ST6GALNAC3: variants seen among roughly 807,000 people sequenced by gnomAD.
The protein encoded by ST6GALNAC3 is ST6 N-acetylgalactosaminide alpha-2,6-sialyltransferase 3, also known as alpha-N-acetylgalactosaminide alpha-2,6-sialyltransferase 3.
ST6GALNAC3 carries 25 observed loss-of-function variants against 32.7 expected under a neutral mutation model. The ratio of observed to expected loss-of-function variants is 0.76; its 90% confidence interval spans 0.56 to 1.07. ST6GALNAC3 has a LOEUF of 1.07. Among genes scored for constraint, ST6GALNAC3 ranks in the 50% least tolerant of loss-of-function variants. ST6GALNAC3 has a pLI of 0.00. For synonymous variants in ST6GALNAC3, 129 were observed against 133.1 expected (o/e 0.97, Z 0.21); for missense variants, 355 against 382.4 (o/e 0.93, Z 0.60).
At position 76,305,430 on chromosome 1, in the gene ST6GALNAC3, G is replaced by A. The variant is rs933691444; in HGVS notation, c.19-8375G>A. 1.8e-4 allele frequency among the ~76,000 whole-genome samples: 28 copies of A among 152,138 alleles called. No individual in the cohort carries two copies. In the East Asian group the frequency reaches 4.5e-3, roughly 24 times the overall value. Reference sequence around the variant, plus strand: ...GAGAGGCAAGAGGAGATGTGATTATGGAAGGTCTTGTATATCATACCAAGG... The same window carrying A: ...GAGAGGCAAGAGGAGATGTGATTATAGAAGGTCTTGTATATCATACCAAGG... On this transcript the variant is annotated intron_variant, in intron 1 of 4. Transcript: ENST00000328299.
At chr1:76,240,382 T>G (rs1656896655) in intron 1 of ST6GALNAC3, among the ~76,000 whole-genome samples, 2 of 152,230 alleles carry the variant, frequency 1.3e-5, no homozygotes, top group South Asian at 4.1e-4. Flanking sequence ...TATTTAGTTC[T>G]CTAATGCTGA....
intron 3 of ST6GALNAC3, among the ~76,000 whole-genome samples, chr1:76,415,776 T>C (rs1443473391): frequency 6.6e-6 from 1 of 152,118 alleles, no homozygotes; most frequent in Non-Finnish European, 1.5e-5. Flanking sequence ...ATTAGCACCA[T>C]TGCTGCTCAT....
intron 3 of ST6GALNAC3, among the ~76,000 whole-genome samples, chr1:76,449,545 C>T (rs774332601): frequency 2.6e-5 from 4 of 152,182 alleles, no homozygotes; most frequent in Non-Finnish European, 5.9e-5. Context: ...ATGAGAGTTC[C>T]TCATGCTCCA....
intron 1 of ST6GALNAC3, among the ~76,000 whole-genome samples, chr1:76,104,050 T>G (rs1018669118): frequency 6.6e-6 from 1 of 152,218 alleles, no homozygotes. Flanking sequence ...CTTTATAATT[T>G]TCTCTTTCTA....
chr1:76,625,405 G>GA (rs1648904276), intron 3 of ST6GALNAC3, among the ~76,000 whole-genome samples: 5 of 151,686 alleles, frequency 3.3e-5, no homozygotes, highest in Admixed American at 6.6e-5. Flanking sequence ...ATCTCTATGA[G>GA]TGCTTGGTCA....
At chr1:76,596,245 C>T (rs76045302) in intron 3 of ST6GALNAC3, among the ~76,000 whole-genome samples, 1,559 of 152,230 alleles carry the variant, frequency 0.01, 12 homozygotes, top group Middle Eastern at 0.024. Flanking sequence ...TACCTAATAA[C>T]GTAGTCATGC....
chr1:76,483,915 C>G (rs1036629318), intron 3 of ST6GALNAC3, among the ~76,000 whole-genome samples: 3 of 127,472 alleles, frequency 2.4e-5, no homozygotes, highest in Non-Finnish European at 5.0e-5. Flanking sequence ...GCAAGGAAGG[C>G]ATCCAGTTTC....
intron 2 of ST6GALNAC3, among the ~76,000 whole-genome samples, chr1:76,377,531 T>G (rs1174174328): frequency 1.3e-5 from 2 of 152,030 alleles, no homozygotes; most frequent in South Asian, 2.1e-4. Context: ...AACTGTACCA[T>G]GAGAACAGCA....
intron 2 of ST6GALNAC3, among the ~76,000 whole-genome samples, chr1:76,375,268 G>A (rs1434069652): frequency 1.3e-5 from 2 of 152,134 alleles, no homozygotes; most frequent in African/African-American, 2.4e-5. Context: ...TTGTTAAAAT[G>A]GGGTTGTAAG....
chr1:76,086,662 G>A (rs1305025607), intron 1 of ST6GALNAC3, among the ~76,000 whole-genome samples: 19 of 152,156 alleles, frequency 1.2e-4, no homozygotes, highest in Non-Finnish European at 2.6e-4. Context: ...CAAGAGAAGG[G>A]AAGCTTGGTG....
chr1:76,102,723 A>G (rs1037577016), intron 1 of ST6GALNAC3, among the ~76,000 whole-genome samples: 1 of 152,108 alleles, frequency 6.6e-6, no homozygotes, highest in Non-Finnish European at 1.5e-5. Flanking sequence ...CAGATGCCCA[A>G]GACATTATTA....
chr1:76,155,059 G>T (rs1435063965), intron 1 of ST6GALNAC3, among the ~76,000 whole-genome samples: 10 of 152,112 alleles, frequency 6.6e-5, no homozygotes, highest in African/African-American at 2.2e-4. Context: ...ATGTGTGTAT[G>T]TGAGGGTGAC....
chr1:76,425,593 C>T (rs1330794444), intron 3 of ST6GALNAC3, among the ~76,000 whole-genome samples: 1 of 151,958 alleles, frequency 6.6e-6, no homozygotes, highest in Non-Finnish European at 1.5e-5. Context: ...CTCGTCGGAA[C>T]TTCTGACATT....
chr1:76,367,610 T>A (rs886800479), intron 2 of ST6GALNAC3, among the ~76,000 whole-genome samples: 4 of 152,168 alleles, frequency 2.6e-5, no homozygotes, highest in African/African-American at 9.7e-5. Flanking sequence ...ATATTATAGA[T>A]AGCTCTCTGA....
intron 1 of ST6GALNAC3, among the ~76,000 whole-genome samples, chr1:76,105,222 A>G (rs1647439170): frequency 6.6e-6 from 1 of 151,986 alleles, no homozygotes; most frequent in African/African-American, 2.4e-5. Flanking sequence ...CACAATTTGC[A>G]TGGAAATATT....
intron 1 of ST6GALNAC3, among the ~76,000 whole-genome samples, chr1:76,198,904 C>T (rs1269481468): frequency 6.6e-6 from 1 of 152,060 alleles, no homozygotes; most frequent in African/African-American, 2.4e-5. Flanking sequence ...AGAAAGGCTC[C>T]ACTGAATGGG....
intron 2 of ST6GALNAC3, among the ~76,000 whole-genome samples, chr1:76,361,206 C>A (rs909451864): frequency 6.6e-6 from 1 of 152,116 alleles, no homozygotes; most frequent in Non-Finnish European, 1.5e-5. Flanking sequence ...AAACTCCATA[C>A]ACATTAAACA....
chr1:76,128,640 CT>C (rs1649408893), intron 1 of ST6GALNAC3, among the ~76,000 whole-genome samples: 1 of 152,188 alleles, frequency 6.6e-6, no homozygotes, highest in South Asian at 2.1e-4. Context: ...GAACAAACAG[CT>C]CCCCCAAATA....
intron 1 of ST6GALNAC3, among the ~76,000 whole-genome samples, chr1:76,280,928 T>G: frequency 6.6e-6 from 1 of 152,246 alleles, no homozygotes; most frequent in East Asian, 1.9e-4. Context: ...TCCACCCAAC[T>G]ATGCATTTAT....
Sources: gnomAD v4.1 joint callset for allele counts (sites outside exome capture counted in the v4.1 genomes callset) on GRCh38, gnomAD v4.1.1 for gene constraint, MANE v1.5 for transcripts, NCBI Gene and HGNC (gene_info 2026-07-23, HGNC 2026-07-21) for gene names.